The following WIF1 variants were observed in gnomAD, a reference collection of about 807,000 sequenced individuals.
WIF1 encodes the protein Wnt inhibitory factor 1.
Under a neutral mutation model 53.5 loss-of-function variants are expected in WIF1, and 35 were observed. The ratio of observed to expected loss-of-function variants is 0.65; its 90% CI spans 0.50 to 0.87. The LOEUF (loss-of-function observed/expected upper bound fraction) is 0.87. WIF1 is among the 40% of genes least tolerant of loss of function. WIF1 has a pLI of 0.00. For missense variants in WIF1, 467 were observed against 476.8 expected (o/e 0.98, Z 0.19); for synonymous variants, 171 against 170.4 (o/e 1.00, Z -0.03).
intron 2 of WIF1, among the ~76,000 whole-genome samples, chr12:65,115,641 T>C (rs1254858854): frequency 2.6e-5 from 4 of 152,234 alleles, no homozygotes; most frequent in Non-Finnish European, 5.9e-5. Context: ...TATTTTCCAT[T>C]AATTACTAAA....
intron 7 of WIF1, among the ~76,000 whole-genome samples, chr12:65,058,527 T>C (rs1592387033): frequency 1.3e-5 from 2 of 152,210 alleles, no homozygotes; most frequent in East Asian, 3.8e-4. Context: ...CTGGCTATTA[T>C]ACAACAGAAA....
intron 2 of WIF1, among the ~76,000 whole-genome samples, chr12:65,112,729 T>C (rs1253287049): frequency 1.3e-5 from 2 of 152,200 alleles, no homozygotes; most frequent in African/African-American, 2.4e-5. Flanking sequence ...TCAGATGAGA[T>C]ACAAAGCCCC....
At position 65,067,691 on chromosome 12, in the gene WIF1, T is replaced by C. The variant is rs1354161514; in HGVS notation, c.634+4A>G. On this transcript the variant is annotated splice_donor_region_variant and intron_variant, in intron 5 of 9. Coordinates refer to ENST00000286574, the MANE Select transcript of WIF1 (RefSeq NM_007191.5). ...GAGCAAGGGAAATCGGCTCCATGTC[T>C]TACCTTTCTCACAGTGAGGTCCGTG... 2 of 1,612,748 alleles carry C rather than the reference T, an allele frequency of 1.2e-6. No individual in the cohort carries two copies. The highest frequency in any genetic ancestry group is 1.7e-6 in the Non-Finnish European group (2 of 1,179,160).
At chr12:65,119,404 G>A (rs1264940068) in intron 2 of WIF1, among the ~76,000 whole-genome samples, 2 of 152,054 alleles carry the variant, frequency 1.3e-5, no homozygotes, top group Non-Finnish European at 2.9e-5. Context: ...AAGAAAAAGA[G>A]AACAGACTTG....
Position 65,111,836 on chromosome 12 carries a change from C to A in WIF1, c.288+8581G>T, listed in dbSNP as rs569646352. 3.9e-5 allele frequency among the ~76,000 whole-genome samples: 6 copies of A among 152,344 alleles called. No individual in the cohort carries two copies. The East Asian group carries it at 1.2e-3, about 29-fold the overall frequency. On this transcript the variant is annotated intron_variant, in intron 2 of 9. Coordinates refer to ENST00000286574, the MANE Select transcript of WIF1 (RefSeq NM_007191.5). ...CTCATGCTGCCAGCTTAGGAACTTA[C>A]CCTCCTGCCACTGTCCCTTTGTCCC...
At chr12:65,081,131 A>T (rs946031349) in intron 2 of WIF1, among the ~76,000 whole-genome samples, 3 of 145,276 alleles carry the variant, frequency 2.1e-5, no homozygotes, top group East Asian at 1.9e-4. Flanking sequence ...TATTTTTTTT[A>T]AAAAGCATTA....
chr12:65,055,007 G>A (rs889016034), intron 9 of WIF1, 111 bp downstream of exon 9: 4 of 1,083,654 alleles, frequency 3.7e-6, no homozygotes, highest in African/African-American at 1.6e-5. Flanking sequence ...TTGACTGTTA[G>A]CCTTTGAAGC....
chr12:65,107,491 G>T lies in WIF1; in HGVS notation c.288+12926C>A, dbSNP rs149766245. Among the ~76,000 whole-genome samples the T allele has an allele frequency of 9.9e-5, 15 of 152,266 alleles. 1 individual carries two copies. Among genetic ancestry groups the T allele is most frequent in the Middle Eastern group, 3.4e-3 (1 of 294 alleles). ...ATACAAAAATTAGCCAGGCATGGTA[G>T]CTCCTGTAACCCCAGCTACTCAGGA... On this transcript the variant is annotated intron_variant, in intron 2 of 9. Transcript: ENST00000286574.
chr12:65,057,966 G>A (rs1882554495), intron 7 of WIF1, among the ~76,000 whole-genome samples: 1 of 152,144 alleles, frequency 6.6e-6, no homozygotes, highest in Admixed American at 6.5e-5. Context: ...TGGGATGTTA[G>A]GGTCTCTCAC....
intron 2 of WIF1, among the ~76,000 whole-genome samples, chr12:65,112,056 A>T (rs1883439561): frequency 6.6e-6 from 1 of 152,242 alleles, no homozygotes; most frequent in South Asian, 2.1e-4. Context: ...TTGTCCTGTG[A>T]CTTTAGAGTT....
chr12:65,066,726 G>T lies in WIF1; in HGVS notation c.645C>A (p.Thr215=). The part of the protein sequence containing the change: ...HGPHCEKALC[T]PRCMNGGLCV... ...AAAGTCCACCATTCATACATCGTGGGGTACAAAGGGCTTATAGGGAGAGAG... is the reference window on the plus strand; with the variant it reads ...AAAGTCCACCATTCATACATCGTGGTGTACAAAGGGCTTATAGGGAGAGAG... The change falls in exon 6 of 10, where the codon ACC becomes ACA. Residue 215 remains threonine (T), a synonymous_variant. Coordinates refer to ENST00000286574, the MANE Select transcript of WIF1 (RefSeq NM_007191.5). The T allele has an allele frequency of 6.2e-7, 1 of 1,604,734 alleles. No individual in the cohort carries two copies. The highest frequency in any genetic ancestry group is 1.1e-5 in the South Asian group (1 of 89,470).
chr12:65,079,388 A>T (rs1195933595), intron 2 of WIF1, among the ~76,000 whole-genome samples: 1 of 152,108 alleles, frequency 6.6e-6, no homozygotes, highest in South Asian at 2.1e-4. Flanking sequence ...CCCACAAAAA[A>T]AATTCCAGGG....
chr12:65,059,721 G>A (rs1168992987), intron 7 of WIF1, among the ~76,000 whole-genome samples: 1 of 151,328 alleles, frequency 6.6e-6, no homozygotes, highest in Admixed American at 6.6e-5. Flanking sequence ...GCTCAACCTT[G>A]GCTCACTGCA....
chr12:65,079,594 C>G (rs1280351503), intron 2 of WIF1, among the ~76,000 whole-genome samples: 1 of 149,592 alleles, frequency 6.7e-6, no homozygotes, highest in Non-Finnish European at 1.5e-5. Flanking sequence ...CCACTGCACT[C>G]CAGACTGGGT....
chr12:65,052,132 C>T (rs1485178130), intron 9 of WIF1, among the ~76,000 whole-genome samples: 1 of 152,156 alleles, frequency 6.6e-6, no homozygotes, highest in Non-Finnish European at 1.5e-5. Context: ...GGGTGATGCT[C>T]AGGGGCAGTA....
chr12:65,058,676 A>G (rs1435426195), intron 7 of WIF1, among the ~76,000 whole-genome samples: 1 of 152,192 alleles, frequency 6.6e-6, no homozygotes, highest in East Asian at 1.9e-4. Flanking sequence ...TTCTTCCTGA[A>G]AATAGTTTGC....
rs997983915 is a variant in WIF1, at chr12:65,076,791, C to G, written c.397+955G>C. Among the ~76,000 whole-genome samples the G allele has an allele frequency of 4.0e-5, 6 of 150,478 alleles. No homozygotes were observed. The South Asian group carries it at 1.3e-3, about 32-fold the overall frequency. On this transcript the variant is annotated intron_variant, in intron 3 of 9. Coordinates refer to ENST00000286574, the MANE Select transcript of WIF1 (RefSeq NM_007191.5). Reference sequence around the variant, plus strand: ...ATTAACAAATAAGGGAATGTGTATACAAATTATGGTATATCCATAAAATAG... The same window carrying G: ...ATTAACAAATAAGGGAATGTGTATAGAAATTATGGTATATCCATAAAATAG...
At chr12:65,113,486 T>C (rs148477821) in intron 2 of WIF1, among the ~76,000 whole-genome samples, 8 of 152,280 alleles carry the variant, frequency 5.3e-5, no homozygotes, top group African/African-American at 1.9e-4. Context: ...TGTGCTTTTA[T>C]ACCACCGTGA....
At chr12:65,062,858 T>A (rs1882634350) in intron 6 of WIF1, among the ~76,000 whole-genome samples, 1 of 152,122 alleles carries the variant, frequency 6.6e-6, no homozygotes, top group African/African-American at 2.4e-5. Flanking sequence ...GCTTTTTAAT[T>A]TTCTTATACA....
Sources: gnomAD v4.1 joint callset for allele counts (sites outside exome capture counted in the v4.1 genomes callset) on GRCh38, gnomAD v4.1.1 for gene constraint, MANE v1.5 for transcripts, NCBI Gene and HGNC (gene_info 2026-07-23, HGNC 2026-07-21) for gene names.